The following NLRP14 variants were observed in gnomAD, a reference collection of about 807,000 sequenced individuals.
NLRP14 encodes NACHT, LRR and PYD domains-containing protein 14.
In NLRP14, 105 loss-of-function variants were observed where a neutral mutation model predicts 94.7. The observed-to-expected ratio is 1.11, with a 90% CI of 0.95 to 1.30. The LOEUF (loss-of-function observed/expected upper bound fraction) is 1.30. NLRP14 is among the 50% of genes most tolerant of loss of function. The pLI, the probability that NLRP14 is intolerant of heterozygous loss-of-function variation, is 0.00. For missense variants in NLRP14, 1,362 were observed against 1,254.1 expected (o/e 1.09, Z -1.30); for synonymous variants, 508 against 459.9 (o/e 1.10, Z -1.34).
rs1371368984 is a variant in NLRP14 at position 7,046,821 on chromosome 11, A to T, written c.2112A>T (p.Leu704=). Residue 704 remains leucine (L), a synonymous_variant, in exon 5 of 12, where the codon CTA becomes CTT. Coordinates refer to ENST00000299481, the MANE Select transcript of NLRP14 (RefSeq NM_176822.4). Reference sequence around the variant, plus strand: ...AACTAAGGCACCCAAACTGTAAACTACAAAAGCTACTGTAAGTCTGGTATG... The same window carrying T: ...AACTAAGGCACCCAAACTGTAAACTTCAAAAGCTACTGTAAGTCTGGTATG... ...HHELRHPNCK[L]QKLLLKFITF... The T allele has an allele frequency of 6.2e-7, 1 of 1,612,280 alleles. No individual in the cohort carries two copies. Among genetic ancestry groups the T allele is most frequent in the Non-Finnish European group, 8.5e-7 (1 of 1,178,522 alleles).
At chr11:7,030,075 A>G (rs1852069886) in intron 1 of NLRP14, among the ~76,000 whole-genome samples, 1 of 152,258 alleles carries the variant, frequency 6.6e-6, no homozygotes, top group African/African-American at 2.4e-5. Context: ...CTATATGAAT[A>G]TGAAAACTTG....
chr11:7,077,284 A>G, the NLRP14 span, among the ~76,000 whole-genome samples: 1 of 152,234 alleles, frequency 6.6e-6, no homozygotes, highest in Non-Finnish European at 1.5e-5. Flanking sequence ...TCTGGTCTCC[A>G]TCACCAGAGA....
downstream of NLRP14, among the ~76,000 whole-genome samples, chr11:7,072,077 T>C (rs1852809399): frequency 6.6e-6 from 1 of 152,242 alleles, no homozygotes; most frequent in African/African-American, 2.4e-5. Context: ...TGGTTATTTA[T>C]TGATCGTGTA....
In NLRP14 at chr11:7,070,430, T is replaced by A; in HGVS notation, c.3120T>A (p.Ser1040=). ...GIVKLYKVLK[S]PKCKLQVLGL... is the part of the protein sequence containing the mutation. ...TGAAGTTATATAAAGTCTTGAAGTC[T>A]CCTAAGTGTAAACTACAAGTTCTAG... The change falls in exon 11 of 12, where the codon TCT becomes TCA. Residue 1040 remains serine (S), a synonymous_variant. Transcript: ENST00000299481. 1 of 1,611,718 alleles carries A rather than the reference T, an allele frequency of 6.2e-7. No homozygotes were observed. The highest frequency in any genetic ancestry group is 8.5e-7 in the Non-Finnish European group (1 of 1,178,082).
rs867723894 is a variant in NLRP14, at chr11:7,059,961, A to T, written c.2701A>T (p.Ser901Cys). Residue 901 changes from serine (S) to cysteine (C), a missense_variant, in exon 9 of 12, where the codon AGC becomes TGC. By Grantham distance (112) the Ser-to-Cys change is moderately radical. Transcript: ENST00000299481. The stretch of plus-strand genomic sequence containing the variant: ...GTCAACTTCTCTTCTACACAACAAG[A>T]GCCTGACGCATCTGGATCTAGGATC... Reference protein sequence around the residue: ...YLSTSLLHNKSLTHLDLGSNW... With the variant: ...YLSTSLLHNKCLTHLDLGSNW... 6.8e-6 allele frequency: 11 copies of T among 1,612,692 alleles called. No individual in the cohort carries two copies. Among genetic ancestry groups the T allele is most frequent in the Middle Eastern group, 3.3e-4 (2 of 6,080 alleles).
intron 10 of NLRP14, among the ~76,000 whole-genome samples, chr11:7,064,566 A>G (rs1270180331): frequency 6.6e-6 from 1 of 152,106 alleles, no homozygotes; most frequent in Admixed American, 6.6e-5. Flanking sequence ...GTGCCATCCC[A>G]GTGGCTAGAA....
chr11:7,070,013 G>A (rs894943751), intron 10 of NLRP14, among the ~76,000 whole-genome samples: 3 of 152,042 alleles, frequency 2.0e-5, no homozygotes, highest in African/African-American at 7.2e-5. Context: ...GGATTCAACT[G>A]CTTCATAGTA....
the NLRP14 span, chr11:7,089,388 G>C: frequency 1.3e-6 from 2 of 1,599,262 alleles, no homozygotes; most frequent in Admixed American, 3.4e-5. Flanking sequence ...ACCGGCGTTC[G>C]AGAGCAGCCG....
At chr11:7,089,478 C>T in the NLRP14 span, 5 of 1,262,432 alleles carry the variant, frequency 4.0e-6, no homozygotes, top group South Asian at 2.4e-5. Flanking sequence ...CGGCCCGCGG[C>T]GTTCCCCATC....
rs1004057384 is a variant in NLRP14, at chr11:7,062,363, T to C, written c.2835T>C (p.Cys945=). The change falls in exon 10 of 12, where the codon TGT becomes TGC. Residue 945 remains cysteine (C), a synonymous_variant. Transcript: ENST00000299481. ...TGGGCTGTGTTCTCACTAATGCATG[T>C]TGTCTGGATCTGGCTTCTGTTATTT... ...ELMGCVLTNA[C]CLDLASVILN... is the part of the protein sequence containing the mutation. The C allele has an allele frequency of 1.2e-6, 2 of 1,613,014 alleles. No homozygotes were observed. Among genetic ancestry groups the C allele is most frequent in the Admixed American group, 1.7e-5 (1 of 59,926 alleles).
Position 7,046,833 on chromosome 11 carries a change from G to GT in NLRP14, c.2123+2dup, listed in dbSNP as rs753848868. The GT allele has an allele frequency of 2.1e-5, 34 of 1,608,364 alleles. No homozygotes were observed. Among genetic ancestry groups the GT allele is most frequent in the Non-Finnish European group, 2.7e-5 (32 of 1,174,938 alleles). Reference sequence around the variant, plus strand: ...CAAACTGTAAACTACAAAAGCTACTGTAAGTCTGGTATGAGAAAATTTAAT... The same window carrying GT: ...CAAACTGTAAACTACAAAAGCTACTGTTAAGTCTGGTATGAGAAAATTTAAT... On this transcript the variant is annotated splice_donor_variant, in intron 5 of 11. Transcript: ENST00000299481. LOFTEE classifies it high-confidence loss of function.
chr11:7,067,605 G>T (rs1177563440), intron 10 of NLRP14, among the ~76,000 whole-genome samples: 2 of 152,124 alleles, frequency 1.3e-5, no homozygotes, highest in Non-Finnish European at 2.9e-5. Context: ...CAAATGTGAT[G>T]AATCACATCG....
intron 3 of NLRP14, among the ~76,000 whole-genome samples, chr11:7,042,024 T>A (rs75563876): frequency 7.9e-4 from 116 of 147,064 alleles, no homozygotes; most frequent in African/African-American, 2.7e-3. Flanking sequence ...GCCTCTGTTC[T>A]TTTTTTTTTT....
the NLRP14 span, among the ~76,000 whole-genome samples, chr11:7,081,747 C>T: frequency 2.0e-5 from 3 of 152,204 alleles, no homozygotes; most frequent in Admixed American, 6.5e-5. Context: ...CCTCCCAGCA[C>T]ATCCATGTGT....
chr11:7,041,920 T>C (rs1316187485), intron 3 of NLRP14, among the ~76,000 whole-genome samples: 1 of 152,144 alleles, frequency 6.6e-6, no homozygotes, highest in East Asian at 1.9e-4. Context: ...ATTCAATGTT[T>C]ATTTCTATTA....
intron 8 of NLRP14, 27 bp downstream of exon 8, chr11:7,058,477 A>AAT: frequency 6.6e-7 from 1 of 1,515,384 alleles, no homozygotes; most frequent in Non-Finnish European, 9.2e-7. Flanking sequence ...TTTTATCCTT[A>AAT]ATATATATTG....
At position 7,042,717 on chromosome 11, in the gene NLRP14, C is replaced by T. The variant is rs753556054; in HGVS notation, c.691C>T (p.Gln231Ter). The change falls in exon 4 of 12, where the codon CAA (glutamine) becomes TAA (stop). Residue 231 changes from glutamine to a stop codon, truncating the protein, a stop_gained. Coordinates refer to ENST00000299481, the MANE Select transcript of NLRP14 (RefSeq NM_176822.4). LOFTEE classifies it high-confidence loss of function. Reference sequence around the variant, plus strand: ...CCAGCTGAAAGAGAGAAGCTTTGCTCAATTGATATCAAAGGACTGGCCCAG... The same window carrying T: ...CCAGCTGAAAGAGAGAAGCTTTGCTTAATTGATATCAAAGGACTGGCCCAG... ...INQLKERSFA[Q>*]LISKDWPSTE... is the part of the protein sequence containing the mutation. 1.2e-6 allele frequency: 2 copies of T among 1,614,142 alleles called. No homozygotes were observed. The highest frequency in any genetic ancestry group is 1.3e-5 in the African/African-American group (1 of 75,032).
In NLRP14 at chr11:7,043,620, T is replaced by C. The variant is rs1490907688; in HGVS notation, c.1594T>C (p.Leu532=). 7.4e-6 allele frequency: 12 copies of C among 1,614,146 alleles called. No individual in the cohort carries two copies. The South Asian group carries it at 1.2e-4, about 16-fold the overall frequency. Residue 532 remains leucine (L), a synonymous_variant, in exon 4 of 12, where the codon TTG becomes CTG. Coordinates refer to ENST00000299481, the MANE Select transcript of NLRP14 (RefSeq NM_176822.4). ...CCATTTGACACAGATGAAGTGCTTT[T>C]TGTTTGGCCTTTTGAATGAAGATCG... ...DPHLTQMKCF[L]FGLLNEDRVK...
intron 10 of NLRP14, among the ~76,000 whole-genome samples, chr11:7,069,510 C>G (rs538535704): frequency 6.6e-6 from 1 of 152,170 alleles, no homozygotes; most frequent in Non-Finnish European, 1.5e-5. Context: ...TCTCCATTAG[C>G]CATTCTCTTT....
Sources: gnomAD v4.1 joint callset for allele counts (sites outside exome capture counted in the v4.1 genomes callset) on GRCh38, gnomAD v4.1.1 for gene constraint, MANE v1.5 for transcripts, NCBI Gene and HGNC (gene_info 2026-07-23, HGNC 2026-07-21) for gene names.